Variants in CSNK2A2 observed in about 807,000 individuals in gnomAD.
CSNK2A2 encodes casein kinase 2 alpha 2.
A neutral mutation model predicts 54.0 loss-of-function variants in CSNK2A2; 8 were observed. That is an observed-to-expected ratio of 0.15 (90% CI 0.09 to 0.27). The LOEUF (loss-of-function observed/expected upper bound fraction) is 0.27, where lower values mean the gene tolerates loss of function less well. Among genes scored for constraint, CSNK2A2 ranks in the 10% least tolerant of loss-of-function variants. The pLI, the probability that CSNK2A2 is intolerant of heterozygous loss-of-function variation, is 1.00. For missense variants in CSNK2A2, 242 were observed against 439.4 expected (o/e 0.55, Z 4.02); for synonymous variants, 141 against 153.9 (o/e 0.92, Z 0.62).
chr16:58,166,591 G>T lies in CSNK2A2; in HGVS notation c.820C>A (p.Leu274Met). The part of the protein sequence containing the change: ...IDLDPHFNDI[L>M]GQHSRKRWEN... ...TCTCTCTCTCTTACTTACTGTCCCA[G>T]GATATCGTTGAAGTGTGGATCTAGG... is the stretch of plus-strand genomic sequence containing the variant. Residue 274 changes from leucine (L) to methionine (M), a missense_variant, in exon 9 of 12, where the codon CTG becomes ATG. Coordinates refer to ENST00000262506, the MANE Select transcript of CSNK2A2 (RefSeq NM_001896.4). 1 of 1,603,316 alleles carries T rather than the reference G, an allele frequency of 6.2e-7. No homozygotes were observed. The highest frequency in any genetic ancestry group is 8.5e-7 in the Non-Finnish European group (1 of 1,170,398).
At chr16:58,173,444 T>C (rs1961793176) in intron 5 of CSNK2A2, among the ~76,000 whole-genome samples, 1 of 152,216 alleles carries the variant, frequency 6.6e-6, no homozygotes. Flanking sequence ...TTCATTAGGT[T>C]CTTAGTGATC....
chr16:58,168,625 A>G lies in CSNK2A2; in HGVS notation c.498T>C (p.Asp166=). The change falls in exon 6 of 12, where the codon GAT becomes GAC. Residue 166 remains aspartate, a synonymous_variant. Transcript: ENST00000262506. ...GTAATGGTACCTTTTTCTGTTGGTGATCTATCATGACATTGTGAGGTTTCA... is the reference window on the plus strand; with the variant it reads ...GTAATGGTACCTTTTTCTGTTGGTGGTCTATCATGACATTGTGAGGTTTCA... ...RDVKPHNVMI[D]HQQKKLRLID... 1 of 1,613,804 alleles carries G rather than the reference A, an allele frequency of 6.2e-7. No individual in the cohort carries two copies. Among genetic ancestry groups the G allele is most frequent in the South Asian group, 1.1e-5 (1 of 91,054 alleles).
intron 4 of CSNK2A2, among the ~76,000 whole-genome samples, chr16:58,174,924 AG>A (rs1961837114): frequency 6.6e-6 from 1 of 152,226 alleles, no homozygotes; most frequent in Non-Finnish European, 1.5e-5. Context: ...AGTGGATGGC[AG>A]AGCTCTGAAG....
chr16:58,163,253 C>CAAAAAA (rs55808367), intron 11 of CSNK2A2: 375 of 63,614 alleles, frequency 5.9e-3, no homozygotes, highest in African/African-American at 7.3e-3. Flanking sequence ...ACAAGGCTGC[C>CAAAAAA]AAAAAAAAAA....
At chr16:58,173,079 T>A (rs1211263522) in intron 5 of CSNK2A2, among the ~76,000 whole-genome samples, 1 of 152,204 alleles carries the variant, frequency 6.6e-6, no homozygotes, top group African/African-American at 2.4e-5. Context: ...ATGGGATTAC[T>A]CAGGAAGCAC....
At chr16:58,184,445 A>G (rs1029498107) in intron 3 of CSNK2A2, 135 bp from the exon 4 acceptor site, 14 of 572,738 alleles carry the variant, frequency 2.4e-5, no homozygotes, top group Middle Eastern at 2.7e-4. Context: ...CCTGTCAAGA[A>G]AAGTATTCTC....
At chr16:58,158,862 T>A (rs1961232550) in intron 11 of CSNK2A2, 1 of 152,178 alleles carries the variant, frequency 6.6e-6, no homozygotes. Flanking sequence ...AACTCTCCCC[T>A]GGAAACAGCT....
At chr16:58,168,369 G>A (rs1961630842) in intron 6 of CSNK2A2, among the ~76,000 whole-genome samples, 1 of 152,178 alleles carries the variant, frequency 6.6e-6, no homozygotes, top group African/African-American at 2.4e-5. Context: ...AGGCCCTCCA[G>A]AAAACTATGA....
chr16:58,195,492 AGCTT>A (rs533283625), intron 2 of CSNK2A2, among the ~76,000 whole-genome samples: 10,714 of 152,192 alleles, frequency 0.07, 474 homozygotes, highest in South Asian at 0.21. Flanking sequence ...TCTATACCAC[AGCTT>A]TTCTAGTCCA....
intron 11 of CSNK2A2, chr16:58,161,526 G>GACACACACACACACAC (rs1164766819): frequency 2.8e-5 from 3 of 107,500 alleles, no homozygotes; most frequent in African/African-American, 2.0e-4. Flanking sequence ...TAGACACACA[G>GACACACACACACACAC]ACACACACAC....
At chr16:58,194,058 T>C (rs971434879) in intron 2 of CSNK2A2, among the ~76,000 whole-genome samples, 7 of 152,214 alleles carry the variant, frequency 4.6e-5, no homozygotes, top group African/African-American at 1.4e-4. Flanking sequence ...CTCACATATA[T>C]TGCAAAGAAC....
chr16:58,182,405 A>C (rs1359047123), intron 4 of CSNK2A2, among the ~76,000 whole-genome samples: 3 of 138,558 alleles, frequency 2.2e-5, no homozygotes, highest in Non-Finnish European at 3.1e-5. Context: ...AAAAAAAAAA[A>C]CTAGCCAGGC....
At chr16:58,177,980 T>C (rs1033623501) in intron 4 of CSNK2A2, among the ~76,000 whole-genome samples, 1 of 152,210 alleles carries the variant, frequency 6.6e-6, no homozygotes, top group Non-Finnish European at 1.5e-5. Flanking sequence ...CTTATTTTCC[T>C]ACAAGGAAAT....
chr16:58,185,153 GAA>G (rs59367405), intron 3 of CSNK2A2, among the ~76,000 whole-genome samples: 1 of 144,838 alleles, frequency 6.9e-6, no homozygotes, highest in Non-Finnish European at 1.5e-5. Context: ...AGGGGTTATA[GAA>G]AAAAAAAAAC....
In CSNK2A2 at chr16:58,197,870, G is replaced by C. The variant is rs1344126382; in HGVS notation, c.-134C>G. 2.1e-5 allele frequency: 3 copies of C among 144,300 alleles called. No individual in the cohort carries two copies. The highest frequency in any genetic ancestry group is 5.2e-5 in the African/African-American group (2 of 38,698). 8.9% of individuals were successfully genotyped at this position (144,300 alleles called of 1,614,324 possible). A position where few individuals can be genotyped will look rare whatever the true frequency, so the allele number is the denominator to read the frequency against. The stretch of plus-strand genomic sequence containing the variant: ...GAGGAGGAGGAGGAGCGCGGCGGCG[G>C]GCGGCCGCGCCAGGCCGGGCCCGCG... On this transcript the variant is annotated 5_prime_UTR_variant, in exon 1 of 12. Coordinates refer to ENST00000262506, the MANE Select transcript of CSNK2A2 (RefSeq NM_001896.4). This position sits in a 1 kb window ranked among gnomAD's most constrained non-coding sequence, Gnocchi z 4.0.
chr16:58,197,730 C>CGGGCA lies in CSNK2A2; in HGVS notation c.2_6dup (p.Gly3CysfsTer16). On this transcript the variant is annotated frameshift_variant, in exon 1 of 12. Transcript: ENST00000262506. LOFTEE classifies it high-confidence loss of function. The surrounding 1 kb of genome is among the most constrained non-coding windows in gnomAD (Gnocchi z 4.0). ...CGGGCCCTGCTGCCCGCGGCCGGGC[C>CGGGCA]GGGCATGGCGGGCGGGACCGGGGGG... is the stretch of plus-strand genomic sequence containing the variant. The CGGGCA allele has an allele frequency of 7.1e-7, 1 of 1,415,980 alleles. No individual in the cohort carries two copies. The highest frequency in any genetic ancestry group is 9.3e-7 in the Non-Finnish European group (1 of 1,074,922). The allele number at this position is 1,415,980 out of a possible 1,614,324, so 87.7% of individuals were successfully genotyped here.
chr16:58,195,902 C>A (rs977116023), intron 2 of CSNK2A2, among the ~76,000 whole-genome samples: 1 of 152,236 alleles, frequency 6.6e-6, no homozygotes. Flanking sequence ...GGCTTCCCAA[C>A]AAGGCTTCTC....
In CSNK2A2 at chr16:58,168,533, C is replaced by T. The variant is rs915492709; in HGVS notation, c.513+77G>A. 8 of 1,215,626 alleles carry T rather than the reference C, an allele frequency of 6.6e-6. No homozygotes were observed. In the African/African-American group the frequency reaches 1.1e-4, roughly 16 times the overall value. The allele number at this position is 1,215,626 out of a possible 1,614,324, so 75.3% of individuals were successfully genotyped here. ...AAACCCACCACGGGTCTACAGAAACCATCATGGCACTGGACAGCTTTTTGG... is the reference window on the plus strand; with the variant it reads ...AAACCCACCACGGGTCTACAGAAACTATCATGGCACTGGACAGCTTTTTGG... On this transcript the variant is annotated intron_variant, in intron 6 of 11. Transcript: ENST00000262506.
chr16:58,196,678 C>A (rs966028944), intron 2 of CSNK2A2, 55 bp downstream of exon 2: 1 of 1,106,910 alleles, frequency 9.0e-7, no homozygotes, highest in Non-Finnish European at 1.4e-6. Context: ...GGGTACCTTA[C>A]AAACTTTTGC....
Sources: gnomAD v4.1 joint callset for allele counts (sites outside exome capture counted in the v4.1 genomes callset) on GRCh38, gnomAD v4.1.1 for gene constraint, Gnocchi (gnomAD v3.1) non-coding constraint, MANE v1.5 for transcripts, NCBI Gene and HGNC (gene_info 2026-07-23, HGNC 2026-07-21) for gene names.